Variants in MCC observed in about 807,000 individuals in gnomAD.
MCC encodes the protein colorectal mutant cancer protein.
Under a neutral mutation model 116.2 loss-of-function variants are expected in MCC, and 90 were observed. That is an observed-to-expected ratio of 0.77 (90% CI 0.65 to 0.92). The LOEUF (loss-of-function observed/expected upper bound fraction) is 0.92. MCC is among the 40% of genes least tolerant of loss of function. MCC has a pLI of 0.00. For missense variants in MCC, 1,516 were observed against 1,312.2 expected (o/e 1.16, Z -2.40); for synonymous variants, 578 against 510.5 (o/e 1.13, Z -1.78).
intron 6 of MCC, among the ~76,000 whole-genome samples, chr5:113,109,635 A>G (rs997686622): frequency 1.3e-5 from 2 of 152,186 alleles, no homozygotes; most frequent in South Asian, 2.1e-4. Context: ...ACCATGGTAA[A>G]TTTCATGTTT....
At chr5:113,193,006 G>C (rs1221311377) in intron 3 of MCC, among the ~76,000 whole-genome samples, 3 of 152,184 alleles carry the variant, frequency 2.0e-5, no homozygotes, top group Admixed American at 2.0e-4. Context: ...TCAGGGCCAG[G>C]CTTCCCCGGA....
At chr5:113,122,652 T>G (rs761880319) in intron 6 of MCC, 32 bp downstream of exon 6, 2 of 1,605,682 alleles carry the variant, frequency 1.2e-6, no homozygotes, top group Admixed American at 3.4e-5. Context: ...GAAACCAAAC[T>G]CTGGCTTGGT....
In MCC at chr5:113,238,092, G is replaced by A. The variant is rs555606086; in HGVS notation, c.628-86670C>T. Among the ~76,000 whole-genome samples the A allele has an allele frequency of 3.9e-5, 6 of 152,230 alleles. No homozygotes were observed. In the South Asian group the frequency reaches 1.2e-3, roughly 32 times the overall value. ...AGACATCAAGAATGCAGCTATATCT[G>A]GCTTCCCTCATGGCATAAGTAGCAC... On this transcript the variant is annotated intron_variant, in intron 3 of 18. Coordinates refer to ENST00000408903, the MANE Select transcript of MCC (RefSeq NM_001085377.2).
chr5:113,115,190 T>C lies in MCC; in HGVS notation c.1027+7494A>G, dbSNP rs184604056. Among the ~76,000 whole-genome samples, 86 of 152,280 alleles carry C rather than the reference T, an allele frequency of 5.6e-4. 2 individuals carry two copies. The highest frequency in any genetic ancestry group is 2.0e-3 in the African/African-American group (82 of 41,542). On this transcript the variant is annotated intron_variant, in intron 6 of 18. Coordinates refer to ENST00000408903, the MANE Select transcript of MCC (RefSeq NM_001085377.2). ...TCCGGCCCCTGCACACACTCACCTGTGTGCTCCTCCTCCCTTGAGGGGTTG... is the reference window on the plus strand; with the variant it reads ...TCCGGCCCCTGCACACACTCACCTGCGTGCTCCTCCTCCCTTGAGGGGTTG...
intron 3 of MCC, among the ~76,000 whole-genome samples, chr5:113,158,026 T>C (rs552332018): frequency 1.4e-3 from 219 of 152,326 alleles, no homozygotes; most frequent in African/African-American, 4.9e-3. Flanking sequence ...ACAGTGCAGA[T>C]ATGCTGGACA....
intron 3 of MCC, among the ~76,000 whole-genome samples, chr5:113,184,845 A>T (rs773002147): frequency 1.4e-4 from 22 of 152,326 alleles, no homozygotes; most frequent in Middle Eastern, 3.4e-3. Context: ...TATAATTACC[A>T]ACTGAAATAG....
At chr5:113,098,160 C>CA (rs1042301002) in intron 8 of MCC, among the ~76,000 whole-genome samples, 33 of 152,308 alleles carry the variant, frequency 2.2e-4, no homozygotes, top group African/African-American at 7.5e-4. Flanking sequence ...CTTTGCCAAA[C>CA]ACATTGGGGA....
intron 3 of MCC, among the ~76,000 whole-genome samples, chr5:113,189,177 C>T (rs772572912): frequency 5.9e-5 from 9 of 152,122 alleles, no homozygotes; most frequent in Admixed American, 2.0e-4. Flanking sequence ...CCAGTGACAG[C>T]GGCTGCCCTC....
chr5:113,242,933 T>C (rs1224753254), intron 3 of MCC, among the ~76,000 whole-genome samples: 3 of 152,138 alleles, frequency 2.0e-5, no homozygotes, highest in African/African-American at 7.2e-5. Flanking sequence ...GAGTTTCCTC[T>C]CCTCAGTGAG....
At chr5:113,267,333 G>A (rs72788622) in intron 3 of MCC, among the ~76,000 whole-genome samples, 3,548 of 152,230 alleles carry the variant, frequency 0.023, 65 homozygotes, top group Middle Eastern at 0.051. Context: ...ATGTAATTAT[G>A]TTTAAATTTT....
intron 1 of MCC, among the ~76,000 whole-genome samples, chr5:113,486,322 C>T (rs529615250): frequency 5.0e-4 from 76 of 152,308 alleles, no homozygotes; most frequent in African/African-American, 1.3e-3. Flanking sequence ...CCACTTTTGC[C>T]CCAGCCAGTT....
intron 1 of MCC, among the ~76,000 whole-genome samples, chr5:113,459,130 GAT>G (rs1384757048): frequency 1.2e-4 from 9 of 74,936 alleles, no homozygotes; most frequent in Admixed American, 2.4e-4. Context: ...GAGGAGTAAG[GAT>G]ATGTGTGTGT....
intron 17 of MCC, among the ~76,000 whole-genome samples, chr5:113,034,713 C>T (rs369061105): frequency 6.6e-6 from 1 of 152,210 alleles, no homozygotes; most frequent in African/African-American, 2.4e-5. Context: ...ACTTTTAACC[C>T]GTCAGGCTCT....
In MCC at chr5:113,269,217, C is replaced by A. The variant is rs865846590; in HGVS notation, c.627+71302G>T. 7.1e-6 allele frequency: 7 copies of A among 985,200 alleles called. No individual in the cohort carries two copies. In the African/African-American group the frequency reaches 1.0e-4, roughly 15 times the overall value. 61.0% of individuals were successfully genotyped at this position (985,200 alleles called of 1,614,324 possible). On this transcript the variant is annotated intron_variant, in intron 3 of 18. Coordinates refer to ENST00000408903, the MANE Select transcript of MCC (RefSeq NM_001085377.2). ...GCAAGTTCCCTCCCTGGCGTCAGGG[C>A]CCCGCAATCTCTCTCCAGGTGGGGA...
chr5:113,355,991 C>G (rs969350075), intron 2 of MCC, among the ~76,000 whole-genome samples: 1 of 151,934 alleles, frequency 6.6e-6, no homozygotes, highest in Non-Finnish European at 1.5e-5. Flanking sequence ...TCTGCACAAA[C>G]AGAAGCAAAG....
At chr5:113,411,542 C>G (rs1053948513) in intron 1 of MCC, among the ~76,000 whole-genome samples, 17 of 150,428 alleles carry the variant, frequency 1.1e-4, no homozygotes, top group Non-Finnish European at 7.4e-5. Context: ...CATGCATTCT[C>G]TCTAAGTTTC....
At chr5:113,132,973 C>A (rs532760487) in intron 5 of MCC, among the ~76,000 whole-genome samples, 76 of 152,022 alleles carry the variant, frequency 5.0e-4, no homozygotes, top group African/African-American at 1.8e-3. Flanking sequence ...TAGCAGAGCT[C>A]AAAGTTGCAA....
chr5:113,061,846 T>C (rs781534894), intron 14 of MCC, among the ~76,000 whole-genome samples: 1 of 152,228 alleles, frequency 6.6e-6, no homozygotes, highest in Non-Finnish European at 1.5e-5. Flanking sequence ...CTCAGAAAGA[T>C]CCTTTTCTTT....
At chr5:113,404,258 T>C (rs1769769912) in intron 1 of MCC, among the ~76,000 whole-genome samples, 1 of 152,204 alleles carries the variant, frequency 6.6e-6, no homozygotes, top group African/African-American at 2.4e-5. Context: ...ACTGCCAAAA[T>C]TCACAGCTCT....
Sources: allele counts gnomAD v4.1 joint callset (sites outside exome capture counted in the v4.1 genomes callset), GRCh38; gene constraint gnomAD v4.1.1; transcripts MANE v1.5; gene names NCBI Gene and HGNC (gene_info 2026-07-23, HGNC 2026-07-21).